The following KLHL13 variants were observed in gnomAD, a reference collection of about 807,000 sequenced individuals.
The protein encoded by KLHL13 is kelch like family member 13, also known as kelch-like protein 13.
KLHL13 carries 10 observed loss-of-function variants against 37.1 expected under a neutral mutation model. The ratio of observed to expected loss-of-function variants is 0.27; its 90% CI spans 0.17 to 0.46. The LOEUF is 0.46. Among genes scored for constraint, KLHL13 ranks in the 20% least tolerant of loss-of-function variants. The probability of loss-of-function intolerance (pLI) is 1.00; values close to 1 mark genes in which losing one functional copy is unlikely to be tolerated. For synonymous variants in KLHL13, 163 were observed against 181.2 expected, an observed-to-expected ratio of 0.90 and a Z score of 0.81; for missense variants, 360 against 509.3, an observed-to-expected ratio of 0.71 and a Z score of 2.82.
At chrX:117,908,430 T>C (rs989094702) in intron 5 of KLHL13, among the ~76,000 whole-genome samples, 3 of 108,265 alleles carry the variant, frequency 2.8e-5, no homozygotes, top group African/African-American at 1.0e-4. Context: ...TGTGTGATGT[T>C]CCCCTCCCTG....
intron 1 of KLHL13, among the ~76,000 whole-genome samples, chrX:117,964,987 T>C (rs982277029): frequency 9.8e-5 from 11 of 112,115 alleles, no homozygotes; most frequent in Admixed American, 7.6e-4. Flanking sequence ...CGGTCTATCA[T>C]TGATGGACAT....
At chrX:118,015,484 A>C (rs775262339) in intron 1 of KLHL13, among the ~76,000 whole-genome samples, 96 of 111,373 alleles carry the variant, frequency 8.6e-4, no homozygotes, top group African/African-American at 3.0e-3. Context: ...AAAGGTCTTT[A>C]GTATGTAGGC....
upstream of KLHL13, among the ~76,000 whole-genome samples, chrX:117,974,439 C>T (rs2053572189): frequency 8.9e-6 from 1 of 112,021 alleles, no homozygotes; most frequent in African/African-American, 3.2e-5. Context: ...AAATAGTTAG[C>T]GTTCGAATAT....
At chrX:118,030,133 GT>G (rs1429249893) in intron 1 of KLHL13, among the ~76,000 whole-genome samples, 1 of 111,372 alleles carries the variant, frequency 9.0e-6, no homozygotes, top group Non-Finnish European at 1.9e-5. Flanking sequence ...TATTTATTGG[GT>G]TTTCATAATT....
chrX:118,092,874 A>G (rs1156332392), intron 1 of KLHL13, among the ~76,000 whole-genome samples: 1 of 111,630 alleles, frequency 9.0e-6, no homozygotes, highest in Non-Finnish European at 1.9e-5. Flanking sequence ...GGTACCCAGG[A>G]CCTCTCTGTA....
At chrX:118,059,065 A>G (rs1036630698) in intron 1 of KLHL13, among the ~76,000 whole-genome samples, 2 of 111,646 alleles carry the variant, frequency 1.8e-5, no homozygotes, top group African/African-American at 6.5e-5. Flanking sequence ...GGCATGACAT[A>G]GAAGAAAATG....
intron 1 of KLHL13, among the ~76,000 whole-genome samples, chrX:118,060,851 T>A (rs897446019): frequency 8.1e-5 from 9 of 111,685 alleles, no homozygotes; most frequent in Non-Finnish European, 1.9e-5. Context: ...AACAACAGAT[T>A]CAACATGTCA....
rs1199997611 is a variant in KLHL13 at position 118,035,281 on chromosome X, C to A, written c.-56+81227G>T. Among the ~76,000 whole-genome samples the A allele has an allele frequency of 2.0e-5, 2 of 100,380 alleles. 1 individual carries two copies. The highest frequency in any genetic ancestry group is 7.9e-4 in the South Asian group (2 of 2,527). The allele number at this position is 100,380 out of a possible 115,157, so 87.2% of individuals were successfully genotyped here. On this transcript the variant is annotated intron_variant, in intron 1 of 6. Transcript: ENST00000371882. ...TTATGATACCAAAGCCGGGCAGAGACACAACCAATAAAGAGAATTTTAGAC... is the reference window on the plus strand; with the variant it reads ...TTATGATACCAAAGCCGGGCAGAGAAACAACCAATAAAGAGAATTTTAGAC...
chrX:117,987,774 G>T (rs1389040792), intron 1 of KLHL13, among the ~76,000 whole-genome samples: 1 of 111,923 alleles, frequency 8.9e-6, no homozygotes, highest in Non-Finnish European at 1.9e-5. Flanking sequence ...TTCTCTCAAT[G>T]ACTTAAAGCA....
At chrX:117,982,826 C>T (rs1446345295) in intron 1 of KLHL13, among the ~76,000 whole-genome samples, 1 of 111,311 alleles carries the variant, frequency 9.0e-6, no homozygotes, top group African/African-American at 3.3e-5. Flanking sequence ...TTTCTCAGTC[C>T]CTGGCCTGCC....
chrX:118,018,675 C>T (rs2054157439), intron 1 of KLHL13, among the ~76,000 whole-genome samples: 1 of 111,429 alleles, frequency 9.0e-6, no homozygotes, highest in Non-Finnish European at 1.9e-5. Context: ...TTTAAAATGT[C>T]TTCTTTCCTG....
intron 1 of KLHL13, among the ~76,000 whole-genome samples, chrX:118,037,094 A>G (rs2054453867): frequency 1.0e-5 from 1 of 96,108 alleles, no homozygotes; most frequent in African/African-American, 3.9e-5. Context: ...TCAGGAAACC[A>G]CAGGTGCTGG....
At chrX:118,067,511 A>AT (rs200972264) in intron 1 of KLHL13, among the ~76,000 whole-genome samples, 4 of 111,898 alleles carry the variant, frequency 3.6e-5, no homozygotes, top group Non-Finnish European at 7.5e-5. Context: ...ATGCTTTTAA[A>AT]TTTTTTTTAA....
intron 1 of KLHL13, among the ~76,000 whole-genome samples, chrX:118,098,485 A>G (rs2055241144): frequency 9.0e-6 from 1 of 111,098 alleles, no homozygotes; most frequent in Non-Finnish European, 1.9e-5. Context: ...TGGGACTGTA[A>G]ACTAGTTCAA....
intron 2 of KLHL13, among the ~76,000 whole-genome samples, chrX:117,925,259 C>G (rs1931947765): frequency 9.0e-6 from 1 of 111,541 alleles, no homozygotes; most frequent in Non-Finnish European, 1.9e-5. Context: ...ATTTGATAAA[C>G]AAATAATTCA....
At chrX:117,925,739 A>G (rs1361345733) in intron 2 of KLHL13, among the ~76,000 whole-genome samples, 2 of 112,060 alleles carry the variant, frequency 1.8e-5, no homozygotes, top group African/African-American at 6.5e-5. Context: ...TTAGTTCCCT[A>G]TATACTCTGA....
chrX:117,956,486 A>G (rs147539635), intron 1 of KLHL13, among the ~76,000 whole-genome samples: 1,369 of 112,096 alleles, frequency 0.012, 23 homozygotes, highest in African/African-American at 0.042. Context: ...GGTCATTTAA[A>G]TGGGAATTTT....
chrX:117,922,522 T>A (rs752322615), intron 2 of KLHL13, among the ~76,000 whole-genome samples: 1 of 112,023 alleles, frequency 8.9e-6, no homozygotes, highest in Non-Finnish European at 1.9e-5. Context: ...TGTAGTCACA[T>A]TGGGTAGGAT....
intron 1 of KLHL13, among the ~76,000 whole-genome samples, chrX:118,027,640 T>C (rs2054289144): frequency 9.7e-6 from 1 of 102,804 alleles, no homozygotes; most frequent in South Asian, 3.9e-4. Context: ...TTTCTCTCTC[T>C]CCACACATAC....
Sources: allele counts gnomAD v4.1 joint callset (sites outside exome capture counted in the v4.1 genomes callset), GRCh38; gene constraint gnomAD v4.1.1; transcripts MANE v1.5; gene names NCBI Gene and HGNC (gene_info 2026-07-23, HGNC 2026-07-21).